RPS6KA2: variants seen among roughly 807,000 people sequenced by gnomAD.
The protein encoded by RPS6KA2 is ribosomal protein S6 kinase alpha-2.
In RPS6KA2, 42 loss-of-function variants were observed where a neutral mutation model predicts 91.8. The ratio of observed to expected loss-of-function variants is 0.46; its 90% CI spans 0.36 to 0.59. RPS6KA2 has a LOEUF of 0.59. Ranked by LOEUF, RPS6KA2 falls within the 20% of genes least tolerant of loss-of-function variation. The pLI is 0.00. For synonymous variants in RPS6KA2, 414 were observed against 393.6 expected, an observed-to-expected ratio of 1.05 and a Z score of -0.61; for missense variants, 798 against 978.5, an observed-to-expected ratio of 0.82 and a Z score of 2.46.
chr6:166,645,776 T>C (rs1489418822), intron 2 of RPS6KA2, among the ~76,000 whole-genome samples: 2 of 152,230 alleles, frequency 1.3e-5, no homozygotes, highest in Admixed American at 1.3e-4. Context: ...AATTAAACAG[T>C]AGCATTAACT....
chr6:166,556,427 T>C (rs1784180130), intron 1 of RPS6KA2, among the ~76,000 whole-genome samples: 5 of 152,234 alleles, frequency 3.3e-5, no homozygotes, highest in Admixed American at 3.3e-4. Context: ...CACTGAAAGA[T>C]ACCCATGTTA....
chr6:166,845,552 A>AAAAGGCAGGCTC (rs1487123765), intron 2 of RPS6KA2, among the ~76,000 whole-genome samples: 2 of 152,228 alleles, frequency 1.3e-5, no homozygotes, highest in Non-Finnish European at 2.9e-5. Flanking sequence ...AATTAACTCC[A>AAAAGGCAGGCTC]AAAGGCAGGC....
At chr6:166,486,682 C>T (rs1182940153) in intron 10 of RPS6KA2, among the ~76,000 whole-genome samples, 1 of 152,258 alleles carries the variant, frequency 6.6e-6, no homozygotes, top group Non-Finnish European at 1.5e-5. Context: ...TCTCCATGTG[C>T]CCTGGCATGG....
chr6:166,622,751 T>G (rs1037164233), intron 1 of RPS6KA2, among the ~76,000 whole-genome samples: 14 of 152,250 alleles, frequency 9.2e-5, no homozygotes, highest in Non-Finnish European at 1.9e-4. Flanking sequence ...AGATGAATTC[T>G]GATGATCTGT....
Position 166,639,329 on chromosome 6 carries a change from T to C in RPS6KA2, c.124-100545A>G, listed in dbSNP as rs1787354127. Among the ~76,000 whole-genome samples the C allele has an allele frequency of 6.6e-6, 1 of 152,210 alleles. No individual in the cohort carries two copies. Among genetic ancestry groups the C allele is most frequent in the African/African-American group, 2.4e-5 (1 of 41,454 alleles). On this transcript the variant is annotated intron_variant, in intron 2 of 21. Transcript: ENST00000503859. The surrounding 1 kb of genome is among the most constrained non-coding windows in gnomAD (Gnocchi z 4.2). ...TCTAGTTACTGAGATTTGTCAACTG[T>C]GCCTTCTACATGTTTTCCCCGTCTT...
intron 2 of RPS6KA2, among the ~76,000 whole-genome samples, chr6:166,725,126 T>C (rs1790296343): frequency 1.3e-5 from 2 of 152,180 alleles, no homozygotes; most frequent in South Asian, 4.1e-4. Flanking sequence ...TCAAATAGAC[T>C]TTTTCTATTT....
At chr6:166,543,889 C>T (rs1246299987) in intron 1 of RPS6KA2, among the ~76,000 whole-genome samples, 1 of 152,108 alleles carries the variant, frequency 6.6e-6, no homozygotes, top group Non-Finnish European at 1.5e-5. Flanking sequence ...AGGTCTTGTT[C>T]TGGCTTTTTC....
chr6:166,791,563 T>C (rs1779090790), intron 2 of RPS6KA2, among the ~76,000 whole-genome samples: 1 of 152,198 alleles, frequency 6.6e-6, no homozygotes, highest in Non-Finnish European at 1.5e-5. Flanking sequence ...AGAATGTACA[T>C]TCTTCTCAGC....
chr6:166,686,297 C>G (rs1360245730), intron 2 of RPS6KA2, among the ~76,000 whole-genome samples: 2 of 152,132 alleles, frequency 1.3e-5, no homozygotes, highest in Admixed American at 6.5e-5. Flanking sequence ...GCAAAGCAAC[C>G]CGACCTCTCC....
At chr6:166,525,216 G>A (rs1782984272) in intron 3 of RPS6KA2, among the ~76,000 whole-genome samples, 1 of 152,178 alleles carries the variant, frequency 6.6e-6, no homozygotes, top group South Asian at 2.1e-4. Flanking sequence ...ACAAAGTGGG[G>A]ATATTACCCT....
rs1778444410 is a variant in RPS6KA2, at chr6:166,770,786, A to G, written c.123+87414T>C. 19 of 1,367,580 alleles carry G rather than the reference A, an allele frequency of 1.4e-5. No homozygotes were observed. The South Asian group carries it at 2.3e-4, about 16-fold the overall frequency. The allele number at this position is 1,367,580 out of a possible 1,614,324, so 84.7% of individuals were successfully genotyped here. A position where few individuals can be genotyped will look rare whatever the true frequency, so the allele number is the denominator to read the frequency against. On this transcript the variant is annotated intron_variant, in intron 2 of 21. Coordinates refer to the RPS6KA2 transcript ENST00000503859. The surrounding 1 kb of genome is among the most constrained non-coding windows in gnomAD (Gnocchi z 5.1). ...GAAACAACTCAATAAATTGAAAAAG[A>G]CTTCATGTTTAACTTAAAAAAAAAA...
chr6:166,436,108 A>G (rs1295682059), intron 14 of RPS6KA2, among the ~76,000 whole-genome samples: 1 of 152,218 alleles, frequency 6.6e-6, no homozygotes, highest in African/African-American at 2.4e-5. Flanking sequence ...AGCACTTGGT[A>G]CAAGTGAGTT....
rs540941848 is a variant in RPS6KA2 at position 166,701,186 on chromosome 6, G to A, written c.123+157014C>T. On this transcript the variant is annotated intron_variant, in intron 2 of 21. Coordinates refer to the RPS6KA2 transcript ENST00000503859. ...GTCAGAATTTCCTGAATTTTTCTCT[G>A]GGCAACCTGGCAAGCATAGAAGTGA... 23 of 1,612,100 alleles carry A rather than the reference G, an allele frequency of 1.4e-5. No homozygotes were observed. In the African/African-American group the frequency reaches 3.1e-4, roughly 22 times the overall value.
chr6:166,660,144 T>C (rs191324103), intron 2 of RPS6KA2, among the ~76,000 whole-genome samples: 24 of 152,348 alleles, frequency 1.6e-4, no homozygotes, highest in Non-Finnish European at 2.5e-4. Context: ...TTACTTTTTT[T>C]CCACTACTTT....
rs181752882 is a variant in RPS6KA2 at position 166,519,113 on chromosome 6, C to T, written c.299-8756G>A. On this transcript the variant is annotated intron_variant, in intron 3 of 20. Transcript: ENST00000265678. ...TTTCTGATGCTGAGTACGTTCAAGCCGCCTCTTTGACAGCCAGGGAGTCCA... is the reference window on the plus strand; with the variant it reads ...TTTCTGATGCTGAGTACGTTCAAGCTGCCTCTTTGACAGCCAGGGAGTCCA... 8.3e-4 allele frequency among the ~76,000 whole-genome samples: 126 copies of T among 152,336 alleles called. 1 individual carries two copies. The South Asian group carries it at 0.023, about 28-fold the overall frequency.
chr6:166,761,822 T>C (rs1337007281), intron 2 of RPS6KA2, among the ~76,000 whole-genome samples: 1 of 152,116 alleles, frequency 6.6e-6, no homozygotes, highest in Non-Finnish European at 1.5e-5. Context: ...GTCCTCCCCA[T>C]TGGGAATGGA....
chr6:166,580,521 GA>G (rs1199797598), intron 1 of RPS6KA2, among the ~76,000 whole-genome samples: 1 of 152,240 alleles, frequency 6.6e-6, no homozygotes, highest in African/African-American at 2.4e-5. Flanking sequence ...AATGTTTTAA[GA>G]AAGTTTACAA....
chr6:166,641,595 T>C (rs1787433746), intron 2 of RPS6KA2, among the ~76,000 whole-genome samples: 1 of 151,034 alleles, frequency 6.6e-6, no homozygotes, highest in African/African-American at 2.4e-5. Flanking sequence ...TAGTGGTGCA[T>C]GCCTGTAATC....
intron 2 of RPS6KA2, among the ~76,000 whole-genome samples, chr6:166,700,594 C>T (rs1183345413): frequency 6.6e-6 from 1 of 152,140 alleles, no homozygotes; most frequent in Admixed American, 6.5e-5. Flanking sequence ...TTCAGCACTT[C>T]CCTTAGGTTA....
Sources: allele counts gnomAD v4.1 joint callset (sites outside exome capture counted in the v4.1 genomes callset), GRCh38; gene constraint gnomAD v4.1.1; non-coding constraint Gnocchi (gnomAD v3.1); transcripts MANE v1.5; gene names NCBI Gene and HGNC (gene_info 2026-07-23, HGNC 2026-07-21).